Variants in ZDHHC2 observed in about 807,000 individuals in gnomAD.
ZDHHC2 encodes zDHHC palmitoyltransferase 2.
In ZDHHC2, 51 loss-of-function variants were observed where a neutral mutation model predicts 55.6. That is an observed-to-expected ratio of 0.92 (90% CI 0.73 to 1.16). ZDHHC2 has a LOEUF of 1.16. ZDHHC2 is among the 50% of genes most tolerant of loss of function. The pLI is 0.00. For missense variants in ZDHHC2, 491 were observed against 442.4 expected, an observed-to-expected ratio of 1.11 and a Z score of -0.99; for synonymous variants, 199 against 152.9, an observed-to-expected ratio of 1.30 and a Z score of -2.22.
intron 4 of ZDHHC2, among the ~76,000 whole-genome samples, chr8:17,197,314 G>C (rs1806367592): frequency 6.6e-6 from 1 of 152,122 alleles, no homozygotes; most frequent in Non-Finnish European, 1.5e-5. Context: ...TACCCTTTGT[G>C]AGCCTTATTA....
chr8:17,186,551 A>C, intron 3 of ZDHHC2, 126 bp downstream of exon 3: 1 of 560,558 alleles, frequency 1.8e-6, no homozygotes, highest in Non-Finnish European at 3.0e-6. Flanking sequence ...AGATTAAAAA[A>C]ATTAGTATTT....
At chr8:17,193,538 C>T (rs1177515061) in intron 3 of ZDHHC2, among the ~76,000 whole-genome samples, 10 of 152,348 alleles carry the variant, frequency 6.6e-5, no homozygotes, top group African/African-American at 2.4e-4. Context: ...CCACTGCCTG[C>T]CTCCCCCATC....
At chr8:17,193,796 T>C (rs1806165306) in intron 3 of ZDHHC2, among the ~76,000 whole-genome samples, 1 of 152,184 alleles carries the variant, frequency 6.6e-6, no homozygotes, top group Non-Finnish European at 1.5e-5. Flanking sequence ...TACTTTAAGT[T>C]CTGGGGTACA....
At chr8:17,183,865 T>C (rs1286750613) in intron 1 of ZDHHC2, among the ~76,000 whole-genome samples, 2 of 152,098 alleles carry the variant, frequency 1.3e-5, no homozygotes, top group Non-Finnish European at 2.9e-5. Flanking sequence ...AACTTATATT[T>C]GGTAGCTCTC....
chr8:17,172,397 A>C (rs1804902806), intron 1 of ZDHHC2, among the ~76,000 whole-genome samples: 3 of 152,192 alleles, frequency 2.0e-5, no homozygotes, highest in Admixed American at 2.0e-4. Flanking sequence ...AAGGAAAGAG[A>C]GACCGTTTGG....
At chr8:17,168,576 C>T (rs768126350) in intron 1 of ZDHHC2, among the ~76,000 whole-genome samples, 2 of 152,116 alleles carry the variant, frequency 1.3e-5, no homozygotes, top group Non-Finnish European at 2.9e-5. Flanking sequence ...GCTGTGCGAT[C>T]ATCACTACTG....
In ZDHHC2 at chr8:17,209,962, G is replaced by T. The variant is rs776426953; in HGVS notation, c.761G>T (p.Gly254Val). ...TTCAGAAGTCCAGTATTTCGACATG[G>T]AACAGATAAGAATGGATTCAGCTTG... is the stretch of plus-strand genomic sequence containing the variant. ...EAFRSPVFRH[G>V]TDKNGFSLGF... The change falls in exon 9 of 13, where the codon GGA becomes GTA. Residue 254 changes from glycine (G) to valine (V), a missense_variant. Transcript: ENST00000262096. 6 of 1,611,144 alleles carry T rather than the reference G, an allele frequency of 3.7e-6. No homozygotes were observed. Among genetic ancestry groups the T allele is most frequent in the Non-Finnish European group, 3.4e-6 (4 of 1,178,638 alleles).
Position 17,195,499 on chromosome 8 carries a change from C to T in ZDHHC2, c.253-5C>T. ...TACTGATTAAGATTTAAATGTATTCCACAGTTCCATCTCTCTTATGCAGAG... is the reference window on the plus strand; with the variant it reads ...TACTGATTAAGATTTAAATGTATTCTACAGTTCCATCTCTCTTATGCAGAG... On this transcript the variant is annotated splice_polypyrimidine_tract_variant and splice_region_variant and intron_variant, in intron 3 of 12. Transcript: ENST00000262096. The T allele has an allele frequency of 1.2e-6, 2 of 1,610,818 alleles. No homozygotes were observed. Among genetic ancestry groups the T allele is most frequent in the South Asian group, 2.2e-5 (2 of 90,722 alleles).
intron 12 of ZDHHC2, 114 bp downstream of exon 12, chr8:17,217,360 C>A (rs1807699328): frequency 1.3e-6 from 1 of 771,990 alleles, no homozygotes; most frequent in Admixed American, 3.0e-5. Flanking sequence ...TATAGAAGAT[C>A]TTTTACCTGA....
intron 6 of ZDHHC2, among the ~76,000 whole-genome samples, chr8:17,204,513 G>A (rs147060986): frequency 6.6e-6 from 1 of 152,326 alleles, no homozygotes; most frequent in East Asian, 1.9e-4. Context: ...TTGACACAAG[G>A]TCATCCAGTA....
At chr8:17,184,156 C>G (rs75209047) in intron 1 of ZDHHC2, among the ~76,000 whole-genome samples, 2,758 of 151,270 alleles carry the variant, frequency 0.018, 50 homozygotes, top group Middle Eastern at 0.037. Flanking sequence ...AATACAACTT[C>G]TTGCCGCAGC....
At chr8:17,176,852 TA>T (rs74701810) in intron 1 of ZDHHC2, among the ~76,000 whole-genome samples, 4 of 151,748 alleles carry the variant, frequency 2.6e-5, no homozygotes, top group African/African-American at 7.3e-5. Context: ...TAAAGTATAA[TA>T]AAAAATATAA....
chr8:17,167,268 T>C (rs939451289), intron 1 of ZDHHC2, among the ~76,000 whole-genome samples: 5 of 151,974 alleles, frequency 3.3e-5, no homozygotes, highest in Non-Finnish European at 7.4e-5. Context: ...ATCATCCAGA[T>C]GTTTATAAAC....
intron 12 of ZDHHC2, among the ~76,000 whole-genome samples, chr8:17,218,042 A>T (rs568754519): frequency 6.6e-6 from 1 of 152,282 alleles, no homozygotes; most frequent in African/African-American, 2.4e-5. Flanking sequence ...AAGTTCATGG[A>T]TATCTGTTTT....
In ZDHHC2 at chr8:17,205,790, T is replaced by C; in HGVS notation, c.597+15T>C. Reference sequence around the variant, plus strand: ...AATTTTGGACAGTAAGTCATTAACTTGGTAACTCTTTTTTTGGTATACAAT... The same window carrying C: ...AATTTTGGACAGTAAGTCATTAACTCGGTAACTCTTTTTTTGGTATACAAT... On this transcript the variant is annotated intron_variant, in intron 7 of 12. Coordinates refer to ENST00000262096, the MANE Select transcript of ZDHHC2 (RefSeq NM_016353.5). 6.3e-7 allele frequency: 1 copy of C among 1,587,934 alleles called. No homozygotes were observed. Among genetic ancestry groups the C allele is most frequent in the Admixed American group, 1.9e-5 (1 of 52,720 alleles).
chr8:17,170,946 G>C (rs144750380), intron 1 of ZDHHC2, among the ~76,000 whole-genome samples: 10 of 152,238 alleles, frequency 6.6e-5, no homozygotes, highest in African/African-American at 2.4e-4. Flanking sequence ...TAAAATTTTG[G>C]TTCTGACTAA....
intron 1 of ZDHHC2, among the ~76,000 whole-genome samples, chr8:17,179,031 G>C (rs544206341): frequency 1.3e-5 from 2 of 152,110 alleles, no homozygotes; most frequent in Non-Finnish European, 2.9e-5. Flanking sequence ...GCTCACTGCA[G>C]CCTCGACCTC....
chr8:17,181,384 A>G (rs967558538), intron 1 of ZDHHC2, among the ~76,000 whole-genome samples: 1 of 152,256 alleles, frequency 6.6e-6, no homozygotes, highest in African/African-American at 2.4e-5. Context: ...AATTGAAAAT[A>G]AAAGAATTTC....
intron 3 of ZDHHC2, among the ~76,000 whole-genome samples, chr8:17,195,216 A>G (rs1157473814): frequency 2.0e-5 from 3 of 152,160 alleles, no homozygotes; most frequent in African/African-American, 7.2e-5. Context: ...TTGGAACTCT[A>G]CGGTTTATAA....
Sources: gnomAD v4.1 joint callset for allele counts (sites outside exome capture counted in the v4.1 genomes callset) on GRCh38, gnomAD v4.1.1 for gene constraint, MANE v1.5 for transcripts, NCBI Gene and HGNC (gene_info 2026-07-23, HGNC 2026-07-21) for gene names.